Variants in NAALADL2 observed in about 807,000 individuals in gnomAD.
NAALADL2 encodes the protein inactive N-acetylated-alpha-linked acidic dipeptidase-like protein 2.
In NAALADL2, 76 loss-of-function variants were observed where a neutral mutation model predicts 87.2. That is an observed-to-expected ratio of 0.87 (90% CI 0.72 to 1.05). The LOEUF (loss-of-function observed/expected upper bound fraction) is 1.05. NAALADL2 is among the 50% of genes least tolerant of loss of function. The probability of loss-of-function intolerance (pLI) is 0.00; values close to 1 mark genes in which losing one functional copy is unlikely to be tolerated. For synonymous variants in NAALADL2, 354 were observed against 331.0 expected (o/e 1.07, Z -0.75); for missense variants, 1,089 against 945.8 (o/e 1.15, Z -1.99).
At chr3:175,431,866 G>A (rs1026685629) in intron 5 of NAALADL2, among the ~76,000 whole-genome samples, 1 of 151,886 alleles carries the variant, frequency 6.6e-6, no homozygotes, top group Non-Finnish European at 1.5e-5. Context: ...TACTCATCCA[G>A]GACTGAAACC....
chr3:174,454,887 G>C (rs1446131603), intron 1 of NAALADL2, among the ~76,000 whole-genome samples: 1 of 150,960 alleles, frequency 6.6e-6, no homozygotes, highest in African/African-American at 2.4e-5. Context: ...ACCAAAATCA[G>C]AGCTGAACTG....
intron 5 of NAALADL2, among the ~76,000 whole-genome samples, chr3:175,442,843 T>C (rs1169954640): frequency 6.6e-6 from 1 of 152,220 alleles, no homozygotes; most frequent in Non-Finnish European, 1.5e-5. Flanking sequence ...TGCTGCAAGC[T>C]AAAAGTTAAA....
chr3:174,664,069 G>A (rs977684319), intron 2 of NAALADL2, among the ~76,000 whole-genome samples: 4 of 152,230 alleles, frequency 2.6e-5, no homozygotes, highest in Admixed American at 6.5e-5. Flanking sequence ...GATTACAGGC[G>A]TGAGCCACCA....
At chr3:175,186,231 T>C (rs1163716954) in intron 2 of NAALADL2, among the ~76,000 whole-genome samples, 4 of 152,046 alleles carry the variant, frequency 2.6e-5, no homozygotes, top group Admixed American at 6.6e-5. Flanking sequence ...CATTATACAA[T>C]AATCTTACAT....
chr3:175,593,620 C>T (rs1377846812), intron 10 of NAALADL2, among the ~76,000 whole-genome samples: 2 of 152,070 alleles, frequency 1.3e-5, no homozygotes, highest in East Asian at 1.9e-4. Context: ...GAAACTGTTC[C>T]ATGCTTTGCT....
intron 2 of NAALADL2, among the ~76,000 whole-genome samples, chr3:174,597,239 G>A (rs1412416409): frequency 1.3e-5 from 2 of 152,206 alleles, no homozygotes; most frequent in Non-Finnish European, 2.9e-5. Context: ...TCAGCAATGA[G>A]TTGTAACAAC....
At chr3:174,884,852 C>A (rs1166306031) in intron 1 of NAALADL2, among the ~76,000 whole-genome samples, 1 of 152,204 alleles carries the variant, frequency 6.6e-6, no homozygotes, top group Middle Eastern at 3.4e-3. Context: ...CTCTAGGGGC[C>A]CGCCAGGAAT....
At chr3:175,409,248 C>T (rs1713004072) in intron 5 of NAALADL2, among the ~76,000 whole-genome samples, 1 of 151,112 alleles carries the variant, frequency 6.6e-6, no homozygotes, top group Admixed American at 6.6e-5. Context: ...TTCTAAAAGT[C>T]ATTAGAGATT....
intron 2 of NAALADL2, among the ~76,000 whole-genome samples, chr3:174,609,481 T>A (rs1719546748): frequency 6.6e-6 from 1 of 151,976 alleles, no homozygotes; most frequent in Non-Finnish European, 1.5e-5. Flanking sequence ...GGATACAAAA[T>A]CAATGTACAA....
chr3:175,420,777 T>C (rs1715565065), intron 5 of NAALADL2, among the ~76,000 whole-genome samples: 1 of 152,018 alleles, frequency 6.6e-6, no homozygotes, highest in African/African-American at 2.4e-5. Context: ...TATTACACAG[T>C]TATTTATTTG....
At chr3:175,802,644 G>A (rs1387886301) in intron 13 of NAALADL2, among the ~76,000 whole-genome samples, 1 of 114,914 alleles carries the variant, frequency 8.7e-6, no homozygotes, top group Non-Finnish European at 1.6e-5. Flanking sequence ...GACACATTGT[G>A]GTATAATTTA....
chr3:175,065,826 T>C (rs960033469), intron 1 of NAALADL2, among the ~76,000 whole-genome samples: 5 of 152,220 alleles, frequency 3.3e-5, no homozygotes, highest in African/African-American at 1.2e-4. Flanking sequence ...CTTTTATCAA[T>C]AATGTAGAAT....
At chr3:174,507,516 T>A (rs1043704432) in intron 1 of NAALADL2, among the ~76,000 whole-genome samples, 9 of 152,116 alleles carry the variant, frequency 5.9e-5, no homozygotes, top group African/African-American at 2.2e-4. Context: ...GCCGACTACA[T>A]TCAATAGAGA....
intron 11 of NAALADL2, among the ~76,000 whole-genome samples, chr3:175,662,471 GC>G (rs1425736525): frequency 6.6e-6 from 1 of 151,884 alleles, no homozygotes; most frequent in Non-Finnish European, 1.5e-5. Context: ...CAATTTGGAT[GC>G]TTTTTATTTC....
At chr3:175,207,451 C>T in intron 2 of NAALADL2, among the ~76,000 whole-genome samples, 1 of 151,904 alleles carries the variant, frequency 6.6e-6, no homozygotes, top group South Asian at 2.1e-4. Flanking sequence ...GAGTGACTTA[C>T]TTTCTCCCGT....
At chr3:175,487,662 T>G in intron 9 of NAALADL2, 1 of 367,520 alleles carries the variant, frequency 2.7e-6, no homozygotes, top group Non-Finnish European at 5.4e-6. Flanking sequence ...TGGAGTCCAA[T>G]CCACATATCA....
chr3:174,949,656 A>G (rs6801807), intron 1 of NAALADL2, among the ~76,000 whole-genome samples: 111,518 of 152,042 alleles, frequency 0.73, 41,440 homozygotes, highest in Middle Eastern at 0.8. Context: ...CCATTGCACT[A>G]TGCCCTTTAC....
At chr3:175,144,433 T>A (rs1314540868) in intron 2 of NAALADL2, among the ~76,000 whole-genome samples, 3 of 151,580 alleles carry the variant, frequency 2.0e-5, no homozygotes, top group Non-Finnish European at 2.9e-5. Flanking sequence ...ATATATGAGT[T>A]AAGTTGAGTT....
Position 175,370,793 on chromosome 3 carries a change from CT to C in NAALADL2, c.1090+46475del, listed in dbSNP as rs1193125635. The stretch of plus-strand genomic sequence containing the variant: ...TTTAAAAGTATAAACACCGTAGTAA[CT>C]TTTTTTCTTTCATTGTTTTCAATAA... On this transcript the variant is annotated intron_variant, in intron 5 of 13. Transcript: ENST00000454872. Among the ~76,000 whole-genome samples, 7 of 152,216 alleles carry C rather than the reference CT, an allele frequency of 4.6e-5. No individual in the cohort carries two copies. The South Asian group carries it at 1.0e-3, about 23-fold the overall frequency.
Sources: allele counts gnomAD v4.1 joint callset (sites outside exome capture counted in the v4.1 genomes callset), GRCh38; gene constraint gnomAD v4.1.1; transcripts MANE v1.5; gene names NCBI Gene and HGNC (gene_info 2026-07-23, HGNC 2026-07-21).